DENND1A: variants seen among roughly 807,000 people sequenced by gnomAD.
The protein encoded by DENND1A is DENN domain-containing protein 1A.
In DENND1A, 51 loss-of-function variants were observed where a neutral mutation model predicts 113.7. The ratio of observed to expected loss-of-function variants is 0.45; its 90% CI spans 0.36 to 0.57. DENND1A has a LOEUF of 0.57. Among genes scored for constraint, DENND1A ranks in the 20% least tolerant of loss-of-function variants. The probability of loss-of-function intolerance (pLI) is 0.00; values close to 1 mark genes in which losing one functional copy is unlikely to be tolerated. For missense variants in DENND1A, 1,258 were observed against 1,395.9 expected (o/e 0.90, Z 1.57); for synonymous variants, 565 against 570.8 (o/e 0.99, Z 0.14).
intron 2 of DENND1A, among the ~76,000 whole-genome samples, chr9:123,814,178 T>TAAGGA (rs1276407778): frequency 6.6e-6 from 1 of 152,180 alleles, no homozygotes; most frequent in Non-Finnish European, 1.5e-5. Flanking sequence ...TATGACACTG[T>TAAGGA]AAGGTATTCT....
At position 123,402,572 on chromosome 9, in the gene DENND1A, C is replaced by G. The variant is rs762066519; in HGVS notation, c.1631+830G>C. The G allele has an allele frequency of 1.5e-5, 8 of 534,712 alleles. No individual in the cohort carries two copies. In the East Asian group the frequency reaches 3.8e-4, roughly 25 times the overall value. 33.1% of individuals were successfully genotyped at this position (534,712 alleles called of 1,614,324 possible). A position where few individuals can be genotyped will look rare whatever the true frequency, so the allele number is the denominator to read the frequency against. On this transcript the variant is annotated intron_variant, in intron 21 of 23. Transcript: ENST00000394215. ...CCCTGGGGTAGTTTTTCTGACTCCTCCAACAATCCTAGACCAAGACGAACT... is the reference window on the plus strand; with the variant it reads ...CCCTGGGGTAGTTTTTCTGACTCCTGCAACAATCCTAGACCAAGACGAACT...
chr9:123,695,956 T>G (rs2065485313), intron 5 of DENND1A, among the ~76,000 whole-genome samples: 1 of 148,086 alleles, frequency 6.8e-6, no homozygotes, highest in Non-Finnish European at 1.5e-5. Flanking sequence ...TTATGAACAA[T>G]TTTCTTCTTC....
intron 11 of DENND1A, among the ~76,000 whole-genome samples, chr9:123,588,620 CAA>C (rs546095119): frequency 3.9e-5 from 2 of 51,268 alleles, no homozygotes; most frequent in African/African-American, 9.7e-5. Context: ...AACTCCATCT[CAA>C]AAAAAAAAAA....
intron 21 of DENND1A, among the ~76,000 whole-genome samples, chr9:123,393,174 C>T (rs143459600): frequency 5.3e-5 from 8 of 152,298 alleles, no homozygotes; most frequent in East Asian, 1.9e-4. Flanking sequence ...TGCACGTATT[C>T]GTAAAGGGCT....
chr9:123,489,687 T>C (rs918452194), intron 13 of DENND1A, among the ~76,000 whole-genome samples: 13 of 152,130 alleles, frequency 8.5e-5, no homozygotes, highest in African/African-American at 3.1e-4. Context: ...TATTAATAGG[T>C]GGTCAGGTGG....
intron 5 of DENND1A, among the ~76,000 whole-genome samples, chr9:123,698,963 G>A (rs1052611523): frequency 6.6e-6 from 1 of 152,132 alleles, no homozygotes; most frequent in African/African-American, 2.4e-5. Context: ...ACTATAAAAA[G>A]CCTAAAGAAT....
At chr9:123,869,867 C>A (rs925586409) in intron 2 of DENND1A, among the ~76,000 whole-genome samples, 3 of 151,984 alleles carry the variant, frequency 2.0e-5, no homozygotes, top group Non-Finnish European at 1.5e-5. Context: ...TGGTGTGCAC[C>A]TGTAGTCCCA....
At chr9:123,593,267 G>A (rs2059541389) in intron 11 of DENND1A, among the ~76,000 whole-genome samples, 1 of 152,146 alleles carries the variant, frequency 6.6e-6, no homozygotes, top group Non-Finnish European at 1.5e-5. Context: ...AATCCTAGCT[G>A]AACCTCAATT....
chr9:123,658,019 T>C (rs1396568228), intron 8 of DENND1A, among the ~76,000 whole-genome samples: 1 of 152,212 alleles, frequency 6.6e-6, no homozygotes, highest in Non-Finnish European at 1.5e-5. Flanking sequence ...TTCTCTATAA[T>C]CGCAGTTCTT....
At chr9:123,654,052 G>A (rs1014521235) in intron 8 of DENND1A, among the ~76,000 whole-genome samples, 1 of 152,064 alleles carries the variant, frequency 6.6e-6, no homozygotes, top group Non-Finnish European at 1.5e-5. Context: ...CAAACTCAGT[G>A]AAAAACAAAA....
At chr9:123,742,166 C>T (rs763387847) in intron 5 of DENND1A, among the ~76,000 whole-genome samples, 1 of 151,268 alleles carries the variant, frequency 6.6e-6, no homozygotes, top group Non-Finnish European at 1.5e-5. Context: ...ATTCCAATTG[C>T]GTTTAGGCCA....
At chr9:123,884,456 T>C (rs1218726285) in intron 1 of DENND1A, among the ~76,000 whole-genome samples, 1 of 152,178 alleles carries the variant, frequency 6.6e-6, no homozygotes, top group Non-Finnish European at 1.5e-5. Flanking sequence ...TATCCCATTA[T>C]TAATTGTTTC....
rs34215948 is a variant in DENND1A, at chr9:123,699,688, C to CTTT, written c.303-22902_303-22900dup. Among the ~76,000 whole-genome samples the CTTT allele has an allele frequency of 3.2e-3, 357 of 112,400 alleles. 2 individuals carry two copies. The highest frequency in any genetic ancestry group is 6.1e-3 in the East Asian group (24 of 3,964). 73.7% of individuals were successfully genotyped at this position (112,400 alleles called of 152,430 possible). A position where few individuals can be genotyped will look rare whatever the true frequency, so the allele number is the denominator to read the frequency against. ...TAGACTACCCTTTCATTCTTTCTTT[C>CTTT]TTTTTTTTTTTTTTTTTTTTTTTAT... On this transcript the variant is annotated intron_variant, in intron 5 of 23. Transcript: ENST00000394215.
chr9:123,409,806 C>T (rs532106941), intron 20 of DENND1A, among the ~76,000 whole-genome samples: 58 of 152,204 alleles, frequency 3.8e-4, no homozygotes, highest in African/African-American at 9.6e-4. Context: ...GAATAAGAAC[C>T]GTTGGCCGGG....
At chr9:123,914,915 C>T (rs946706903) in intron 1 of DENND1A, among the ~76,000 whole-genome samples, 6 of 152,036 alleles carry the variant, frequency 3.9e-5, no homozygotes, top group Admixed American at 1.3e-4. Flanking sequence ...GATTTGGAGG[C>T]GACAAACATC....
intron 4 of DENND1A, among the ~76,000 whole-genome samples, chr9:123,760,334 A>G (rs996737156): frequency 6.6e-6 from 1 of 152,256 alleles, no homozygotes; most frequent in African/African-American, 2.4e-5. Context: ...AATTAAAATT[A>G]AAGGAATTTT....
chr9:123,727,521 T>G (rs752955790), intron 5 of DENND1A, among the ~76,000 whole-genome samples: 10 of 152,148 alleles, frequency 6.6e-5, no homozygotes, highest in Non-Finnish European at 8.8e-5. Flanking sequence ...GACATCATAA[T>G]TACAAAATGG....
At chr9:123,540,138 T>A (rs753274898) in intron 13 of DENND1A, among the ~76,000 whole-genome samples, 9 of 152,186 alleles carry the variant, frequency 5.9e-5, no homozygotes, top group Admixed American at 3.3e-4. Context: ...TAGGACAAAA[T>A]GTAAACTCAG....
At chr9:123,464,870 C>T (rs1309835571) in intron 13 of DENND1A, among the ~76,000 whole-genome samples, 2 of 151,320 alleles carry the variant, frequency 1.3e-5, no homozygotes, top group African/African-American at 4.9e-5. Context: ...TTAAAAAGGC[C>T]GGGCACAATG....
Sources: gnomAD v4.1 joint callset for allele counts (sites outside exome capture counted in the v4.1 genomes callset) on GRCh38, gnomAD v4.1.1 for gene constraint, MANE v1.5 for transcripts, NCBI Gene and HGNC (gene_info 2026-07-23, HGNC 2026-07-21) for gene names.